PLXNA2: variants seen among roughly 807,000 people sequenced by gnomAD.
The protein encoded by PLXNA2 is plexin A2, also known as plexin-A2.
Under a neutral mutation model 193.5 loss-of-function variants are expected in PLXNA2, and 91 were observed. That is an observed-to-expected ratio of 0.47 (90% CI 0.40 to 0.56). The LOEUF is 0.56. PLXNA2 is among the 20% of genes least tolerant of loss of function. The probability of loss-of-function intolerance (pLI) is 0.00; values close to 1 mark genes in which losing one functional copy is unlikely to be tolerated. For missense variants in PLXNA2, 1,995 were observed against 2,503.2 expected, an observed-to-expected ratio of 0.80 and a Z score of 4.33; for synonymous variants, 997 against 1,027.3, an observed-to-expected ratio of 0.97 and a Z score of 0.56.
chr1:208,088,019 T>G (rs917412293), intron 9 of PLXNA2, among the ~76,000 whole-genome samples: 1 of 152,208 alleles, frequency 6.6e-6, no homozygotes, highest in Non-Finnish European at 1.5e-5. Context: ...TTAAGACTGT[T>G]GTTCACATTC....
At position 208,217,227 on chromosome 1, in the gene PLXNA2, G is replaced by C. The variant is rs1024052824; in HGVS notation, c.696C>G (p.Thr232=). ...VSSLIKIPSD[T]LALVSHFDIF... ...TGTCAAAGTGGGAGACCAGGGCCAG[G>C]GTGTCTGAAGGGATCTTGATGAGAG... The change falls in exon 2 of 32, where the codon ACC becomes ACG. Residue 232 remains threonine (T), a synonymous_variant. Coordinates refer to ENST00000367033, the MANE Select transcript of PLXNA2 (RefSeq NM_025179.4). This position sits in a 1 kb window ranked among gnomAD's most constrained non-coding sequence, Gnocchi z 4.7. 6.2e-7 allele frequency: 1 copy of C among 1,614,184 alleles called. No individual in the cohort carries two copies. Among genetic ancestry groups the C allele is most frequent in the Middle Eastern group, 1.6e-4 (1 of 6,062 alleles).
At chr1:208,092,745 C>T in intron 9 of PLXNA2, 41 bp downstream of exon 9, 1 of 1,429,846 alleles carries the variant, frequency 7.0e-7, no homozygotes, top group South Asian at 1.2e-5. Flanking sequence ...GCCACTCAGA[C>T]TCACTGGGAA....
intron 9 of PLXNA2, among the ~76,000 whole-genome samples, chr1:208,090,102 G>T (rs548713573): frequency 1.8e-4 from 28 of 152,290 alleles, no homozygotes; most frequent in Admixed American, 1.6e-3. Flanking sequence ...TGGCAACCTC[G>T]CTGGGAATCT....
chr1:208,122,912 T>G (rs995672861), intron 4 of PLXNA2, among the ~76,000 whole-genome samples: 1 of 152,150 alleles, frequency 6.6e-6, no homozygotes, highest in Non-Finnish European at 1.5e-5. Context: ...ATATAAGAGC[T>G]TTAATGAGAT....
Position 208,082,356 on chromosome 1 carries a change from C to T in PLXNA2, c.2395+56G>A, listed in dbSNP as rs2102386760. On this transcript the variant is annotated intron_variant, in intron 11 of 31. Coordinates refer to ENST00000367033, the MANE Select transcript of PLXNA2 (RefSeq NM_025179.4). This position sits in a 1 kb window ranked among gnomAD's most constrained non-coding sequence, Gnocchi z 4.2. The stretch of plus-strand genomic sequence containing the variant: ...TGGCTGGCTCTGATCCCTCTAGCCC[C>T]AGTCTTTCCCGGGGTCGTGAAAAGA... The T allele has an allele frequency of 7.2e-7, 1 of 1,388,038 alleles. No individual in the cohort carries two copies. Among genetic ancestry groups the T allele is most frequent in the Non-Finnish European group, 1.0e-6 (1 of 984,592 alleles). 86.0% of individuals were successfully genotyped at this position (1,388,038 alleles called of 1,614,324 possible).
intron 9 of PLXNA2, among the ~76,000 whole-genome samples, chr1:208,085,116 C>T (rs1301950423): frequency 6.6e-6 from 1 of 151,612 alleles, no homozygotes; most frequent in Non-Finnish European, 1.5e-5. Flanking sequence ...ATTTCATTAC[C>T]AGGCCCTGCG....
In PLXNA2 at chr1:208,217,764, C is replaced by G; in HGVS notation, c.159G>C (p.Leu53Phe). 1 of 1,614,160 alleles carries G rather than the reference C, an allele frequency of 6.2e-7. No individual in the cohort carries two copies. Among genetic ancestry groups the G allele is most frequent in the Non-Finnish European group, 8.5e-7 (1 of 1,180,020 alleles). ...CGGCCCCCGTCCCTTGGTGGACGGT[C>G]AAGTGGTTGAAGGTCCAGTCACGAT... ...SENRDWTFNH[L>F]TVHQGTGAVY... The change falls in exon 2 of 32, where the codon TTG becomes TTC. Residue 53 changes from leucine (L) to phenylalanine (F), a missense_variant. By Grantham distance (22) the Leu-to-Phe change is conservative. This residue lies in a region of PLXNA2 where 702 missense variants were observed against 812.9 expected (regional missense o/e 0.86). Transcript: ENST00000367033. This position sits in a 1 kb window ranked among gnomAD's most constrained non-coding sequence, Gnocchi z 4.7.
intron 3 of PLXNA2, among the ~76,000 whole-genome samples, chr1:208,201,680 T>A (rs953207730): frequency 6.6e-6 from 1 of 152,134 alleles, no homozygotes; most frequent in African/African-American, 2.4e-5. Flanking sequence ...TATTAAGCAC[T>A]TTTTACACAT....
At chr1:208,121,812 T>A (rs1667814348) in intron 4 of PLXNA2, among the ~76,000 whole-genome samples, 1 of 152,164 alleles carries the variant, frequency 6.6e-6, no homozygotes. Flanking sequence ...CCCATACTCG[T>A]GTACACACAC....
At chr1:208,062,483 A>G (rs2102352302) in intron 12 of PLXNA2, among the ~76,000 whole-genome samples, 1 of 152,230 alleles carries the variant, frequency 6.6e-6, no homozygotes, top group African/African-American at 2.4e-5. Flanking sequence ...TTGGCTGCAG[A>G]GCCGGGACTT....
intron 12 of PLXNA2, among the ~76,000 whole-genome samples, chr1:208,065,797 G>A (rs1665777184): frequency 6.6e-6 from 1 of 152,190 alleles, no homozygotes; most frequent in Non-Finnish European, 1.5e-5. Flanking sequence ...CTGCACAGAA[G>A]CAGATTCAGA....
rs770001500 is a variant in PLXNA2 at position 208,043,049 on chromosome 1, G to A, written c.4017+12C>T. ...CCCTGCTGGGTGGCTGGGCCCAGGA[G>A]GCAGGCATTACCTCCAGCTCCCGCA... On this transcript the variant is annotated intron_variant, in intron 21 of 31. Transcript: ENST00000367033. 26 of 1,612,822 alleles carry A rather than the reference G, an allele frequency of 1.6e-5. 1 individual carries two copies. In the East Asian group the frequency reaches 5.8e-4, roughly 36 times the overall value.
rs1553270771 is a variant in PLXNA2, at chr1:208,026,652, C to CTCTTTTTTT, written c.*590_*591insAAAAAAAGA. The CTCTTTTTTT allele has an allele frequency of 7.1e-6, 1 of 140,814 alleles. No homozygotes were observed. The allele number at this position is 140,814 out of a possible 1,614,324, so 8.7% of individuals were successfully genotyped here. On this transcript the variant is annotated 3_prime_UTR_variant, in exon 32 of 32. Transcript: ENST00000367033. ...TCATCATTCTTCTTCTCCTCTTTCT[C>CTCTTTTTTT]TTTTTTTTTTTTTTTTTAATTTCAA...
chr1:208,063,970 A>G (rs1422811761), intron 12 of PLXNA2, among the ~76,000 whole-genome samples: 3 of 151,844 alleles, frequency 2.0e-5, no homozygotes, highest in African/African-American at 7.3e-5. Context: ...GGCGCCTCAC[A>G]TTTCACCACG....
chr1:208,147,373 T>C (rs1299782791), intron 3 of PLXNA2, among the ~76,000 whole-genome samples: 1 of 152,142 alleles, frequency 6.6e-6, no homozygotes, highest in East Asian at 1.9e-4. Flanking sequence ...AACCAAAGAC[T>C]TTACTATAGA....
At chr1:208,206,313 T>C (rs1670720545) in intron 3 of PLXNA2, among the ~76,000 whole-genome samples, 2 of 152,246 alleles carry the variant, frequency 1.3e-5, no homozygotes, top group African/African-American at 4.8e-5. Flanking sequence ...GCTGTTCTTC[T>C]ATTATCATGA....
At chr1:208,089,964 G>A (rs892242937) in intron 9 of PLXNA2, among the ~76,000 whole-genome samples, 1 of 152,142 alleles carries the variant, frequency 6.6e-6, no homozygotes, top group Non-Finnish European at 1.5e-5. Context: ...TTTCAGGGAT[G>A]GGGTTCTCCT....
rs776672395 is a variant in PLXNA2 at position 208,045,063 on chromosome 1, T to G, written c.3639+4A>C. On this transcript the variant is annotated splice_donor_region_variant and intron_variant, in intron 19 of 31. Transcript: ENST00000367033. Reference sequence around the variant, plus strand: ...GAGGCATTACAGACGCAGGGCTCACTCACCATGACCTTGTGCTGCCCGGTG... The same window carrying G: ...GAGGCATTACAGACGCAGGGCTCACGCACCATGACCTTGTGCTGCCCGGTG... 3 of 1,614,032 alleles carry G rather than the reference T, an allele frequency of 1.9e-6. No individual in the cohort carries two copies. The Admixed American group carries it at 5.0e-5, about 27-fold the overall frequency.
At chr1:208,222,062 ATTTAT>A (rs1196838784) in intron 1 of PLXNA2, among the ~76,000 whole-genome samples, 3 of 152,158 alleles carry the variant, frequency 2.0e-5, no homozygotes, top group African/African-American at 7.2e-5. Context: ...GTTATTAGCA[ATTTAT>A]TTGTCATTAT....
Sources: allele counts gnomAD v4.1 joint callset (sites outside exome capture counted in the v4.1 genomes callset), GRCh38; gene constraint gnomAD v4.1.1; regional missense constraint gnomAD v4.1.1; non-coding constraint Gnocchi (gnomAD v3.1); transcripts MANE v1.5; gene names NCBI Gene and HGNC (gene_info 2026-07-23, HGNC 2026-07-21).